The following KLHL2 variants were observed in gnomAD, a reference collection of about 807,000 sequenced individuals.
KLHL2 encodes the protein kelch like family member 2, also known as kelch-like protein 2.
Under a neutral mutation model 75.8 loss-of-function variants are expected in KLHL2, and 15 were observed. The ratio of observed to expected loss-of-function variants is 0.20; its 90% CI spans 0.13 to 0.30. KLHL2 has a LOEUF of 0.30. Ranked by LOEUF, KLHL2 falls within the 10% of genes least tolerant of loss-of-function variation. The probability of loss-of-function intolerance (pLI) is 1.00; values close to 1 mark genes in which losing one functional copy is unlikely to be tolerated. For missense variants in KLHL2, 381 were observed against 741.0 expected (o/e 0.51, Z 5.64); for synonymous variants, 214 against 251.9 (o/e 0.85, Z 1.42).
chr4:165,240,565 A>C (rs1337021078), intron 4 of KLHL2: 1 of 151,290 alleles, frequency 6.6e-6, no homozygotes, highest in Non-Finnish European at 1.5e-5. Flanking sequence ...CATGGAAGAA[A>C]GTGTTTGGTA....
chr4:165,235,050 ACT>A (rs1739223433), intron 3 of KLHL2, among the ~76,000 whole-genome samples: 1 of 152,114 alleles, frequency 6.6e-6, no homozygotes, highest in Admixed American at 6.5e-5. Flanking sequence ...TGCTTGGCTC[ACT>A]CTGTAATGTA....
intron 5 of KLHL2, among the ~76,000 whole-genome samples, chr4:165,274,584 G>A (rs1273621960): frequency 4.7e-5 from 7 of 149,624 alleles, no homozygotes; most frequent in Admixed American, 2.7e-4. Context: ...ACTCCAGCCT[G>A]GGTGACAGAG....
intron 2 of KLHL2, among the ~76,000 whole-genome samples, chr4:165,222,073 C>T (rs1261946917): frequency 6.6e-6 from 1 of 151,944 alleles, no homozygotes; most frequent in Non-Finnish European, 1.5e-5. Context: ...TGGCTTTCTG[C>T]TGGTGTTAAT....
At chr4:165,264,819 G>A (rs1742118310) in intron 5 of KLHL2, among the ~76,000 whole-genome samples, 2 of 141,988 alleles carry the variant, frequency 1.4e-5, no homozygotes, top group African/African-American at 2.6e-5. Flanking sequence ...CCATATCTTT[G>A]CAATTGTGAA....
At chr4:165,249,505 G>A (rs1394619777) in intron 4 of KLHL2, among the ~76,000 whole-genome samples, 1 of 150,430 alleles carries the variant, frequency 6.6e-6, no homozygotes, top group African/African-American at 2.4e-5. Flanking sequence ...TACCAAACTG[G>A]CATCCCACTG....
At chr4:165,266,699 A>C (rs1252727046) in intron 5 of KLHL2, among the ~76,000 whole-genome samples, 1 of 152,192 alleles carries the variant, frequency 6.6e-6, no homozygotes, top group Non-Finnish European at 1.5e-5. Context: ...TGGTACCAGT[A>C]CCATGCTGTT....
chr4:165,295,563 A>C (rs1263114164), intron 6 of KLHL2, among the ~76,000 whole-genome samples: 3 of 152,202 alleles, frequency 2.0e-5, no homozygotes, highest in Admixed American at 2.0e-4. Flanking sequence ...AATTGATTAC[A>C]GAATGCTGTA....
chr4:165,240,926 A>G (rs557533839), intron 4 of KLHL2, among the ~76,000 whole-genome samples: 12 of 152,186 alleles, frequency 7.9e-5, no homozygotes, highest in Non-Finnish European at 1.5e-4. Context: ...AACACCTCTC[A>G]TGTTTCTTTT....
intron 1 of KLHL2, among the ~76,000 whole-genome samples, chr4:165,213,643 T>C (rs1737351495): frequency 6.6e-6 from 1 of 152,236 alleles, no homozygotes; most frequent in African/African-American, 2.4e-5. Context: ...CCCATGTACC[T>C]TCCTGTTTAG....
intron 4 of KLHL2, among the ~76,000 whole-genome samples, chr4:165,261,791 C>T (rs1741696785): frequency 6.6e-6 from 1 of 152,176 alleles, no homozygotes. Flanking sequence ...TCTTTCTTTT[C>T]TATGTTTAGG....
intron 2 of KLHL2, among the ~76,000 whole-genome samples, chr4:165,228,508 T>C (rs1473649065): frequency 6.6e-6 from 1 of 152,172 alleles, no homozygotes; most frequent in African/African-American, 2.4e-5. Context: ...TCTTTTGCAG[T>C]CCATTGATGG....
intron 1 of KLHL2, among the ~76,000 whole-genome samples, chr4:165,208,918 G>C (rs902706842): frequency 2.0e-5 from 3 of 152,216 alleles, no homozygotes; most frequent in Non-Finnish European, 4.4e-5. Flanking sequence ...CCAGTCTCTT[G>C]TGGTTATTTG....
intron 8 of KLHL2, among the ~76,000 whole-genome samples, chr4:165,302,165 T>C (rs1000793782): frequency 1.2e-4 from 19 of 152,226 alleles, no homozygotes; most frequent in African/African-American, 4.1e-4. Context: ...TGAGCAGCCC[T>C]GTTGCTTTGA....
chr4:165,301,430 A>G (rs2126524802), intron 8 of KLHL2, among the ~76,000 whole-genome samples: 1 of 152,252 alleles, frequency 6.6e-6, no homozygotes, highest in Admixed American at 6.5e-5. Context: ...GTTCTCTGAG[A>G]TTTTTCAGAA....
chr4:165,303,652 T>C (rs775867501), intron 8 of KLHL2, among the ~76,000 whole-genome samples: 3 of 152,202 alleles, frequency 2.0e-5, no homozygotes, highest in Non-Finnish European at 4.4e-5. Flanking sequence ...AACCTCTGCC[T>C]CCCAGGTTCA....
chr4:165,310,720 T>C lies in KLHL2; in HGVS notation c.1207T>C (p.Tyr403His). 3 of 1,613,796 alleles carry C rather than the reference T, an allele frequency of 1.9e-6. No individual in the cohort carries two copies. Among genetic ancestry groups the C allele is most frequent in the Non-Finnish European group, 2.5e-6 (3 of 1,179,908 alleles). ...LGAAVLNGLL[Y>H]AVGGFDGSTG... Reference sequence around the variant, plus strand: ...AGCTGCTGTGTTAAATGGATTATTATACGCTGTGGGAGGCTTTGATGGGAG... The same window carrying C: ...AGCTGCTGTGTTAAATGGATTATTACACGCTGTGGGAGGCTTTGATGGGAG... Residue 403 changes from tyrosine to histidine, a missense_variant, in exon 10 of 15, where the codon TAC becomes CAC. By Grantham distance (83) the Tyr-to-His change is moderately conservative. Around this residue, in one of 5 missense-constraint regions of KLHL2, gnomAD observed 168 missense variants for 370.4 expected, o/e 0.45. Transcript: ENST00000226725.
intron 1 of KLHL2, among the ~76,000 whole-genome samples, chr4:165,208,277 T>G (rs1170844576): frequency 6.6e-6 from 1 of 152,012 alleles, no homozygotes; most frequent in African/African-American, 2.4e-5. Context: ...ATGCACTGAG[T>G]CCGTTGAAAA....
In KLHL2 at chr4:165,311,807, C is replaced by CTGTGTGTG. The variant is rs753272810; in HGVS notation, c.1339+243_1339+244insGTGTGTGT. ...CCTCCCTTTATCCCTCCTCCTTTCT[C>CTGTGTGTG]TCTGTGTGTGTGTGTGTGTGTGTGT... On this transcript the variant is annotated intron_variant, in intron 11 of 14. Transcript: ENST00000226725. Among the ~76,000 whole-genome samples, 216 of 111,706 alleles carry CTGTGTGTG rather than the reference C, an allele frequency of 1.9e-3. 2 individuals are homozygous for CTGTGTGTG. The highest frequency in any genetic ancestry group is 5.1e-3 in the Admixed American group (57 of 11,268). The allele number at this position is 111,706 out of a possible 152,430, so 73.3% of individuals were successfully genotyped here.
intron 3 of KLHL2, among the ~76,000 whole-genome samples, chr4:165,237,867 A>G (rs951419311): frequency 1.3e-5 from 2 of 151,992 alleles, no homozygotes; most frequent in Non-Finnish European, 1.5e-5. Flanking sequence ...CCCGCATTCA[A>G]TTGCTTGTGT....
Sources: allele counts gnomAD v4.1 joint callset (sites outside exome capture counted in the v4.1 genomes callset), GRCh38; gene constraint gnomAD v4.1.1; regional missense constraint gnomAD v4.1.1; transcripts MANE v1.5; gene names NCBI Gene and HGNC (gene_info 2026-07-23, HGNC 2026-07-21).